Variants in USP25 observed in about 807,000 individuals in gnomAD.
USP25 encodes ubiquitin carboxyl-terminal hydrolase 25.
Under a neutral mutation model 158.5 loss-of-function variants are expected in USP25, and 85 were observed. The ratio of observed to expected loss-of-function variants is 0.54; its 90% CI spans 0.45 to 0.64. USP25 has a LOEUF of 0.64. Among genes scored for constraint, USP25 ranks in the 30% least tolerant of loss-of-function variants. USP25 has a pLI of 0.00. For synonymous variants in USP25, 464 were observed against 460.4 expected, an observed-to-expected ratio of 1.01 and a Z score of -0.10; for missense variants, 1,242 against 1,327.3, an observed-to-expected ratio of 0.94 and a Z score of 1.00.
rs935650723 is a variant in USP25, at chr21:15,879,475, G to A, written c.*1000G>A. On this transcript the variant is annotated 3_prime_UTR_variant, in exon 26 of 26. Coordinates refer to ENST00000400183, the MANE Select transcript of USP25 (RefSeq NM_001283041.3). ...ATTAATACTGTGAAACAAAATTGATGTTGTTTAACTAGAAGTTATGAGTAT... is the reference window on the plus strand; with the variant it reads ...ATTAATACTGTGAAACAAAATTGATATTGTTTAACTAGAAGTTATGAGTAT... 1 of 152,366 alleles carries A rather than the reference G, an allele frequency of 6.6e-6. No individual in the cohort carries two copies. The highest frequency in any genetic ancestry group is 6.6e-5 in the Admixed American group (1 of 15,238). The allele number at this position is 152,366 out of a possible 1,614,324, so 9.4% of individuals were successfully genotyped here. A position where few individuals can be genotyped will look rare whatever the true frequency, so the allele number is the denominator to read the frequency against.
chr21:15,849,345 T>C (rs2038779623), intron 19 of USP25, among the ~76,000 whole-genome samples: 1 of 152,144 alleles, frequency 6.6e-6, no homozygotes, highest in Non-Finnish European at 1.5e-5. Flanking sequence ...ATGTGCAGGT[T>C]GTACAGTTCT....
intron 4 of USP25, among the ~76,000 whole-genome samples, chr21:15,789,385 G>A (rs2823493): frequency 0.2 from 30,026 of 151,912 alleles, 4,592 homozygotes; most frequent in African/African-American, 0.43. Flanking sequence ...TTCTGTAGCT[G>A]ATGTATGTAT....
chr21:15,806,582 C>A (rs1041249687), intron 7 of USP25, among the ~76,000 whole-genome samples: 1 of 151,994 alleles, frequency 6.6e-6, no homozygotes, highest in Non-Finnish European at 1.5e-5. Context: ...ATACAACTGG[C>A]GGTTAAGGCC....
chr21:15,754,381 G>C (rs1445447126), intron 1 of USP25, among the ~76,000 whole-genome samples: 1 of 152,196 alleles, frequency 6.6e-6, no homozygotes, highest in Non-Finnish European at 1.5e-5. Flanking sequence ...GGCATTATAT[G>C]TATGTACCAG....
Position 15,747,515 on chromosome 21 carries a change from G to C in USP25, c.46-15376G>C, listed in dbSNP as rs7283884. ...TTTCCTATATATAGTATCTACCTGTGATAAAGTTTAATTTATAAATTAGGT... is the reference window on the plus strand; with the variant it reads ...TTTCCTATATATAGTATCTACCTGTCATAAAGTTTAATTTATAAATTAGGT... On this transcript the variant is annotated intron_variant, in intron 1 of 25. Transcript: ENST00000400183. Among the ~76,000 whole-genome samples the C allele has an allele frequency of 7.8e-3, 1,184 of 151,906 alleles. 11 individuals carry two copies. Among genetic ancestry groups the C allele is most frequent in the African/African-American group, 0.024 (1,012 of 41,412 alleles).
chr21:15,811,000 A>G, intron 8 of USP25, 137 bp from the exon 9 acceptor site: 1 of 705,450 alleles, frequency 1.4e-6, no homozygotes, highest in Non-Finnish European at 2.4e-6. Context: ...GTGGCACTGT[A>G]AATAACAGAG....
intron 4 of USP25, among the ~76,000 whole-genome samples, chr21:15,778,708 G>A (rs577969169): frequency 1.3e-5 from 2 of 152,142 alleles, no homozygotes; most frequent in South Asian, 2.1e-4. Context: ...AATACATTTG[G>A]TTTTCATAAT....
chr21:15,862,748 CAAAA>C (rs11308815), intron 20 of USP25, among the ~76,000 whole-genome samples: 1 of 140,426 alleles, frequency 7.1e-6, no homozygotes, highest in Non-Finnish European at 1.6e-5. Context: ...TGTATATCCT[CAAAA>C]AAAAAAAAGT....
At chr21:15,756,370 G>A (rs1298159906) in intron 1 of USP25, among the ~76,000 whole-genome samples, 2 of 152,060 alleles carry the variant, frequency 1.3e-5, no homozygotes, top group Non-Finnish European at 2.9e-5. Flanking sequence ...TTTGTTCAGA[G>A]CACTCAGCAA....
At chr21:15,839,471 C>G (rs2038223618) in intron 17 of USP25, among the ~76,000 whole-genome samples, 1 of 152,086 alleles carries the variant, frequency 6.6e-6, no homozygotes. Context: ...CAGAACAACA[C>G]AATATAACCA....
chr21:15,877,620 T>C, intron 24 of USP25, 176 bp from the exon 25 acceptor site: 1 of 500,580 alleles, frequency 2.0e-6, no homozygotes, highest in Non-Finnish European at 3.4e-6. Context: ...ATGCATAGCT[T>C]TTTCTAAAGA....
intron 5 of USP25, among the ~76,000 whole-genome samples, chr21:15,792,944 G>A (rs1311106569): frequency 6.6e-6 from 1 of 151,508 alleles, no homozygotes; most frequent in Non-Finnish European, 1.5e-5. Flanking sequence ...TTACTTACAT[G>A]CCAAAAAGCA....
Position 15,778,117 on chromosome 21 carries a change from A to G in USP25, c.392+90A>G. The G allele has an allele frequency of 1.6e-6, 2 of 1,242,428 alleles. No individual in the cohort carries two copies. The highest frequency in any genetic ancestry group is 2.1e-6 in the Non-Finnish European group (2 of 931,760). The allele number at this position is 1,242,428 out of a possible 1,614,324, so 77.0% of individuals were successfully genotyped here. ...TAAATTAATTTTAAGAGGTAATAAG[A>G]TATACTTTGTTACTCTAAACTAGTA... On this transcript the variant is annotated intron_variant, in intron 4 of 25. Coordinates refer to ENST00000400183, the MANE Select transcript of USP25 (RefSeq NM_001283041.3).
intron 1 of USP25, among the ~76,000 whole-genome samples, chr21:15,733,900 C>T (rs2031220863): frequency 6.6e-6 from 1 of 152,132 alleles, no homozygotes; most frequent in South Asian, 2.1e-4. Context: ...CGTGCTCATG[C>T]TAGGAGAATA....
chr21:15,791,571 T>G lies in USP25; in HGVS notation c.462T>G (p.Asp154Glu). 6.2e-7 allele frequency: 1 copy of G among 1,611,744 alleles called. No homozygotes were observed. Among genetic ancestry groups the G allele is most frequent in the South Asian group, 1.1e-5 (1 of 90,940 alleles). ...LKRTPTEVWR[D>E]SRNPYDRKRQ... is the part of the protein sequence containing the mutation. ...GGACACCTACAGAAGTTTGGAGGGATTCTCGAAACCCTTATGATAGAAAAA... is the reference window on the plus strand; with the variant it reads ...GGACACCTACAGAAGTTTGGAGGGAGTCTCGAAACCCTTATGATAGAAAAA... The change falls in exon 5 of 26, where the codon GAT becomes GAG. Residue 154 changes from aspartate (D) to glutamate (E), a missense_variant. Around this residue, in one of 3 missense-constraint regions of USP25, gnomAD observed 627 missense variants for 701.4 expected, o/e 0.89. Coordinates refer to ENST00000400183, the MANE Select transcript of USP25 (RefSeq NM_001283041.3).
Position 15,805,135 on chromosome 21 carries a change from G to A in USP25, c.657G>A (p.Leu219=). 2.5e-6 allele frequency: 4 copies of A among 1,589,180 alleles called. No individual in the cohort carries two copies. Among genetic ancestry groups the A allele is most frequent in the Admixed American group, 1.8e-5 (1 of 54,116 alleles). The stretch of plus-strand genomic sequence containing the variant: ...TCCTTCAATAGGAACATCGGAATTT[G>A]CCTTTTATGCGTGAGCTGAGGTATC... ...LPRNQKEHRN[L]PFMRELRYLF... is the part of the protein sequence containing the mutation. Residue 219 remains leucine, a synonymous_variant, in exon 7 of 26, where the codon TTG becomes TTA. Coordinates refer to ENST00000400183, the MANE Select transcript of USP25 (RefSeq NM_001283041.3).
At chr21:15,861,918 A>T (rs918196493) in intron 20 of USP25, among the ~76,000 whole-genome samples, 1 of 152,074 alleles carries the variant, frequency 6.6e-6, no homozygotes, top group Non-Finnish European at 1.5e-5. Context: ...GACTTTGGCA[A>T]TTTGCTTGTG....
chr21:15,849,258 C>A (rs1347786643), intron 19 of USP25, among the ~76,000 whole-genome samples: 1 of 152,036 alleles, frequency 6.6e-6, no homozygotes, highest in Non-Finnish European at 1.5e-5. Flanking sequence ...AAATTTATTG[C>A]AGTGACAGTT....
chr21:15,757,830 G>A (rs1010043665), intron 1 of USP25, among the ~76,000 whole-genome samples: 22 of 152,306 alleles, frequency 1.4e-4, no homozygotes, highest in African/African-American at 5.3e-4. Context: ...GTGGCAAAGA[G>A]TATGAATACA....
Sources: allele counts gnomAD v4.1 joint callset (sites outside exome capture counted in the v4.1 genomes callset), GRCh38; gene constraint gnomAD v4.1.1; regional missense constraint gnomAD v4.1.1; transcripts MANE v1.5; gene names NCBI Gene and HGNC (gene_info 2026-07-23, HGNC 2026-07-21).